The following HPSE2 variants were observed in gnomAD, a reference collection of about 807,000 sequenced individuals.
The protein encoded by HPSE2 is heparanase 2 (inactive).
A neutral mutation model predicts 60.5 loss-of-function variants in HPSE2; 38 were observed. The observed-to-expected ratio is 0.63, with a 90% CI of 0.48 to 0.82. The LOEUF (loss-of-function observed/expected upper bound fraction) is 0.82, where lower values mean the gene tolerates loss of function less well. Ranked by LOEUF, HPSE2 falls within the 40% of genes least tolerant of loss-of-function variation. HPSE2 has a pLI of 0.00. For synonymous variants in HPSE2, 295 were observed against 293.2 expected, an observed-to-expected ratio of 1.01 and a Z score of -0.06; for missense variants, 713 against 740.4, an observed-to-expected ratio of 0.96 and a Z score of 0.43.
intron 9 of HPSE2, among the ~76,000 whole-genome samples, chr10:98,530,174 T>C (rs1943086666): frequency 6.6e-6 from 1 of 152,122 alleles, no homozygotes; most frequent in Admixed American, 6.6e-5. Flanking sequence ...GAGGAGTGTA[T>C]ATACATGGGG....
intron 3 of HPSE2, among the ~76,000 whole-genome samples, chr10:99,140,169 T>A (rs550524043): frequency 7.2e-4 from 110 of 152,324 alleles, no homozygotes; most frequent in African/African-American, 2.6e-3. Flanking sequence ...TCAATTGAAG[T>A]TAATAGAATG....
chr10:98,510,827 C>CA (rs201499531), intron 9 of HPSE2, among the ~76,000 whole-genome samples: 3,630 of 152,334 alleles, frequency 0.024, 53 homozygotes, highest in Middle Eastern at 0.044. Context: ...TGCATGTAAA[C>CA]ACCCTCTGTG....
intron 9 of HPSE2, among the ~76,000 whole-genome samples, chr10:98,612,707 A>G (rs1945795472): frequency 1.3e-5 from 2 of 152,254 alleles, no homozygotes; most frequent in South Asian, 4.1e-4. Flanking sequence ...CATTTATGAA[A>G]GTGAACTGTA....
chr10:98,780,180 T>C lies in HPSE2; in HGVS notation c.611-36124A>G, dbSNP rs190639760. Among the ~76,000 whole-genome samples the C allele has an allele frequency of 3.6e-3, 555 of 152,258 alleles. 3 individuals are homozygous for C. Among genetic ancestry groups the C allele is most frequent in the Admixed American group, 5.9e-3 (90 of 15,278 alleles). On this transcript the variant is annotated intron_variant, in intron 3 of 11. Transcript: ENST00000370552. ...GTTTACAAAGTGCTCAGAAAGCAGG[T>C]GATGTCTTCTTTCTGGTAAATTATG... is the stretch of plus-strand genomic sequence containing the variant.
intron 10 of HPSE2, among the ~76,000 whole-genome samples, 187 bp from the exon 11 acceptor site, chr10:98,482,969 T>C (rs1249302380): frequency 6.6e-6 from 1 of 152,228 alleles, no homozygotes; most frequent in African/African-American, 2.4e-5. Flanking sequence ...TGATAGCCAC[T>C]TCCTGCCATA....
chr10:98,564,684 G>A (rs1480833541), intron 9 of HPSE2, among the ~76,000 whole-genome samples: 6 of 152,134 alleles, frequency 3.9e-5, no homozygotes, highest in African/African-American at 1.2e-4. Context: ...GCAGGGCAAG[G>A]CAGTTTAGTT....
chr10:98,808,711 C>G lies in HPSE2; in HGVS notation c.611-64655G>C, dbSNP rs187926825. Among the ~76,000 whole-genome samples, 169 of 152,274 alleles carry G rather than the reference C, an allele frequency of 1.1e-3. 3 individuals carry two copies. The highest frequency in any genetic ancestry group is 3.8e-3 in the African/African-American group (157 of 41,572). ...CACACCAACAAAATCTGAGCGCAAT[C>G]TGGGCTTTCTCAAATACAGCTCACA... is the stretch of plus-strand genomic sequence containing the variant. On this transcript the variant is annotated intron_variant, in intron 3 of 11. Coordinates refer to ENST00000370552, the MANE Select transcript of HPSE2 (RefSeq NM_021828.5).
chr10:98,874,520 C>T (rs543277684), intron 3 of HPSE2, among the ~76,000 whole-genome samples: 2 of 151,872 alleles, frequency 1.3e-5, no homozygotes, highest in Non-Finnish European at 2.9e-5. Context: ...GCTGAGATGA[C>T]GGGGTTTTCT....
At chr10:98,472,717 G>A (rs991127417) in intron 11 of HPSE2, among the ~76,000 whole-genome samples, 3 of 152,156 alleles carry the variant, frequency 2.0e-5, no homozygotes, top group Non-Finnish European at 2.9e-5. Flanking sequence ...GATGCATATT[G>A]ATCTGATTTC....
At chr10:99,199,272 T>C (rs1157473847) in intron 2 of HPSE2, among the ~76,000 whole-genome samples, 2 of 152,142 alleles carry the variant, frequency 1.3e-5, no homozygotes, top group African/African-American at 2.4e-5. Context: ...GGCTGCACCA[T>C]TTTACATTTC....
At chr10:98,974,129 A>G (rs2135276499) in intron 3 of HPSE2, among the ~76,000 whole-genome samples, 1 of 152,008 alleles carries the variant, frequency 6.6e-6, no homozygotes, top group East Asian at 2.0e-4. Flanking sequence ...CATCTCTACT[A>G]AAAATACAAA....
chr10:98,826,551 A>C (rs1951552329), intron 3 of HPSE2, among the ~76,000 whole-genome samples: 1 of 152,200 alleles, frequency 6.6e-6, no homozygotes, highest in African/African-American at 2.4e-5. Context: ...CAGGAATGAC[A>C]GTGTGCCAGT....
chr10:98,544,352 G>C (rs1943578677), intron 9 of HPSE2, among the ~76,000 whole-genome samples: 1 of 152,298 alleles, frequency 6.6e-6, no homozygotes, highest in Admixed American at 6.5e-5. Flanking sequence ...GAAATTTATA[G>C]CACTAAATGC....
At chr10:98,940,448 C>G (rs1372296631) in intron 3 of HPSE2, among the ~76,000 whole-genome samples, 1 of 143,544 alleles carries the variant, frequency 7.0e-6, no homozygotes, top group South Asian at 2.1e-4. Flanking sequence ...GAGAATACTA[C>G]AAACACCTCT....
intron 3 of HPSE2, among the ~76,000 whole-genome samples, chr10:98,821,484 T>C (rs1951422187): frequency 6.6e-6 from 1 of 152,192 alleles, no homozygotes. Context: ...ATGTGGTCAG[T>C]TGACAAAAAT....
intron 3 of HPSE2, among the ~76,000 whole-genome samples, chr10:99,116,209 A>C (rs547218601): frequency 1.3e-5 from 2 of 152,064 alleles, no homozygotes; most frequent in South Asian, 4.2e-4. Context: ...ACCAAGAAAC[A>C]CTGATCTAGA....
intron 3 of HPSE2, among the ~76,000 whole-genome samples, chr10:99,134,026 T>C (rs925598198): frequency 6.6e-6 from 1 of 152,092 alleles, no homozygotes; most frequent in Non-Finnish European, 1.5e-5. Flanking sequence ...GAAAAGAACA[T>C]AAATGACCTG....
chr10:99,119,044 GAAAA>G (rs1191555909), intron 3 of HPSE2, among the ~76,000 whole-genome samples: 3 of 121,304 alleles, frequency 2.5e-5, no homozygotes, highest in Admixed American at 1.1e-4. Flanking sequence ...AGAAAGAAAA[GAAAA>G]GAAAGAAAGA....
At chr10:98,769,245 T>C (rs967529729) in intron 3 of HPSE2, among the ~76,000 whole-genome samples, 1 of 152,092 alleles carries the variant, frequency 6.6e-6, no homozygotes, top group Admixed American at 6.6e-5. Context: ...CAGTCCATGG[T>C]TTTCCAGAAC....
Sources: allele counts gnomAD v4.1 joint callset (sites outside exome capture counted in the v4.1 genomes callset), GRCh38; gene constraint gnomAD v4.1.1; transcripts MANE v1.5; gene names NCBI Gene and HGNC (gene_info 2026-07-23, HGNC 2026-07-21).